Variants in PLCB4 observed in about 807,000 individuals in gnomAD.
PLCB4 encodes phospholipase C beta 4.
In PLCB4, 77 loss-of-function variants were observed where a neutral mutation model predicts 178.8. The ratio of observed to expected loss-of-function variants is 0.43; its 90% confidence interval spans 0.36 to 0.52. The LOEUF (loss-of-function observed/expected upper bound fraction) is 0.52, where lower values mean the gene tolerates loss of function less well. Ranked by LOEUF, PLCB4 falls within the 20% of genes least tolerant of loss-of-function variation. PLCB4 has a pLI of 0.00. For synonymous variants in PLCB4, 496 were observed against 490.8 expected, an observed-to-expected ratio of 1.01 and a Z score of -0.14; for missense variants, 1,024 against 1,453.4, an observed-to-expected ratio of 0.70 and a Z score of 4.80.
At chr20:9,150,644 TAGTTTAGAAGGAGGCCTGAGGTCAGTGA>T (rs1310266996) in intron 2 of PLCB4, among the ~76,000 whole-genome samples, 1 of 152,068 alleles carries the variant, frequency 6.6e-6, no homozygotes, top group Non-Finnish European at 1.5e-5. Context: ...CTGAGATTCC[TAGTTTAGAAGGAGGCCTGAGGTCAGTGA>T]AGTTAAGTGA....
chr20:9,237,730 A>T (rs1231038717), intron 3 of PLCB4, among the ~76,000 whole-genome samples: 2 of 152,244 alleles, frequency 1.3e-5, no homozygotes, highest in Non-Finnish European at 2.9e-5. Context: ...CTTTGCACAG[A>T]AGTGAAATGC....
At chr20:9,233,324 G>C (rs1302811803) in intron 3 of PLCB4, among the ~76,000 whole-genome samples, 1 of 151,542 alleles carries the variant, frequency 6.6e-6, no homozygotes, top group Non-Finnish European at 1.5e-5. Context: ...AATATTTATT[G>C]AGTGTCTACC....
chr20:9,418,736 T>C (rs2148554694), intron 25 of PLCB4, among the ~76,000 whole-genome samples: 1 of 152,306 alleles, frequency 6.6e-6, no homozygotes, highest in Admixed American at 6.5e-5. Context: ...GAGATTACAC[T>C]GAATTCACAC....
At chr20:9,285,726 T>C (rs2094531006) in intron 3 of PLCB4, among the ~76,000 whole-genome samples, 1 of 152,002 alleles carries the variant, frequency 6.6e-6, no homozygotes, top group Admixed American at 6.6e-5. Context: ...AAAAGTTGTT[T>C]TAGATCCTAG....
intron 2 of PLCB4, among the ~76,000 whole-genome samples, chr20:9,099,860 T>C (rs1488668907): frequency 6.6e-6 from 1 of 152,122 alleles, no homozygotes; most frequent in Non-Finnish European, 1.5e-5. Context: ...GCGGCAGGGG[T>C]CCATGTGCCA....
intron 2 of PLCB4, among the ~76,000 whole-genome samples, chr20:9,138,130 C>T (rs572890517): frequency 7.2e-5 from 11 of 152,002 alleles, no homozygotes; most frequent in African/African-American, 2.2e-4. Flanking sequence ...TGATAATGAA[C>T]GTATCAGGAA....
chr20:9,391,369 G>A (rs949843809), intron 17 of PLCB4, among the ~76,000 whole-genome samples: 1 of 152,060 alleles, frequency 6.6e-6, no homozygotes, highest in South Asian at 2.1e-4. Flanking sequence ...AAGATGTTAT[G>A]AGCTCCAAGG....
chr20:9,208,543 T>A (rs964121294), intron 2 of PLCB4, among the ~76,000 whole-genome samples: 1 of 152,064 alleles, frequency 6.6e-6, no homozygotes, highest in Non-Finnish European at 1.5e-5. Context: ...TACTTTTTTT[T>A]TTTTCTTTTT....
intron 2 of PLCB4, among the ~76,000 whole-genome samples, chr20:9,138,543 G>C (rs1480065221): frequency 2.0e-5 from 3 of 152,008 alleles, no homozygotes; most frequent in African/African-American, 2.4e-5. Context: ...GCTCAGATTT[G>C]TGTGCACTTA....
At chr20:9,325,612 C>T (rs2030376498) in intron 4 of PLCB4, among the ~76,000 whole-genome samples, 1 of 152,136 alleles carries the variant, frequency 6.6e-6, no homozygotes, top group East Asian at 1.9e-4. Flanking sequence ...TTCAGCCATT[C>T]AAACTGGCCT....
chr20:9,400,496 A>T (rs2038942620), intron 19 of PLCB4, among the ~76,000 whole-genome samples: 1 of 152,072 alleles, frequency 6.6e-6, no homozygotes, highest in East Asian at 1.9e-4. Flanking sequence ...TCTCATTCTT[A>T]TGGGTCTACT....
chr20:9,083,434 A>G (rs2090254269), intron 1 of PLCB4, among the ~76,000 whole-genome samples: 1 of 152,112 alleles, frequency 6.6e-6, no homozygotes, highest in African/African-American at 2.4e-5. Flanking sequence ...TGGGATACAT[A>G]AGAAATGGAG....
chr20:9,113,027 T>C (rs2091640389), intron 2 of PLCB4, among the ~76,000 whole-genome samples: 1 of 152,126 alleles, frequency 6.6e-6, no homozygotes, highest in South Asian at 2.1e-4. Flanking sequence ...ATTATAAGTT[T>C]TGAAATGCAG....
chr20:9,347,916 G>A (rs1389734619), intron 7 of PLCB4, among the ~76,000 whole-genome samples: 1 of 152,222 alleles, frequency 6.6e-6, no homozygotes, highest in Non-Finnish European at 1.5e-5. Context: ...GGAGGTTGTA[G>A]TGAGCCAAGA....
At chr20:9,289,943 G>T (rs1243955567) in intron 3 of PLCB4, among the ~76,000 whole-genome samples, 3 of 152,018 alleles carry the variant, frequency 2.0e-5, no homozygotes, top group Admixed American at 1.3e-4. Flanking sequence ...TATTGTGAGA[G>T]CTTTGAGAAG....
rs1600492109 is a variant in PLCB4 at position 9,112,811 on chromosome 20, T to C, written c.-79+16469T>C. 5.3e-5 allele frequency among the ~76,000 whole-genome samples: 8 copies of C among 152,212 alleles called. 1 individual carries two copies. ...GCCTGGGGATTCTTTATAGAGAGTA[T>C]GCAGATTTCCCCAAGGAAAACTGAT... On this transcript the variant is annotated intron_variant, in intron 2 of 39. Coordinates refer to ENST00000378473, the MANE Select transcript of PLCB4 (RefSeq NM_001377142.1).
chr20:9,431,704 T>A (rs1488598795), intron 28 of PLCB4, among the ~76,000 whole-genome samples: 1 of 151,156 alleles, frequency 6.6e-6, no homozygotes, highest in Non-Finnish European at 1.5e-5. Context: ...AAGATAGGAT[T>A]TCACCATGTT....
intron 28 of PLCB4, among the ~76,000 whole-genome samples, chr20:9,430,434 A>G (rs1359888395): frequency 3.9e-5 from 6 of 152,214 alleles, no homozygotes; most frequent in African/African-American, 1.4e-4. Context: ...TGTATATTGT[A>G]ATTTCTTAAA....
At chr20:9,141,908 TGA>T (rs1217865484) in intron 2 of PLCB4, among the ~76,000 whole-genome samples, 2 of 151,940 alleles carry the variant, frequency 1.3e-5, no homozygotes. Context: ...GCCCCATGTC[TGA>T]AAGTTAAAGT....
Sources: allele counts gnomAD v4.1 joint callset (sites outside exome capture counted in the v4.1 genomes callset), GRCh38; gene constraint gnomAD v4.1.1; transcripts MANE v1.5; gene names NCBI Gene and HGNC (gene_info 2026-07-23, HGNC 2026-07-21).